Variants in SLC14A2 observed in about 807,000 individuals in gnomAD.
SLC14A2 encodes the protein urea transporter 2.
In SLC14A2, 91 loss-of-function variants were observed where a neutral mutation model predicts 104.6. The ratio of observed to expected loss-of-function variants is 0.87; its 90% CI spans 0.73 to 1.04. The LOEUF is 1.04. SLC14A2 is among the 50% of genes least tolerant of loss of function. SLC14A2 has a pLI of 0.00. For synonymous variants in SLC14A2, 476 were observed against 466.4 expected (o/e 1.02, Z -0.27); for missense variants, 1,189 against 1,156.0 (o/e 1.03, Z -0.41).
intron 1 of SLC14A2, among the ~76,000 whole-genome samples, chr18:45,395,111 G>C (rs1029381845): frequency 2.0e-5 from 3 of 152,124 alleles, no homozygotes; most frequent in African/African-American, 7.2e-5. Flanking sequence ...ATTCACAATA[G>C]CCAAGAGATG....
intron 1 of SLC14A2, among the ~76,000 whole-genome samples, chr18:45,214,330 C>T (rs982360293): frequency 1.3e-5 from 2 of 152,250 alleles, no homozygotes; most frequent in African/African-American, 2.4e-5. Context: ...GGGCAAGTGA[C>T]GTGCATTCTG....
upstream of SLC14A2, among the ~76,000 whole-genome samples, chr18:45,210,394 G>T (rs982301986): frequency 3.9e-5 from 6 of 152,160 alleles, no homozygotes; most frequent in African/African-American, 1.2e-4. Context: ...AGCCTGGACA[G>T]CATAGTGAGA....
chr18:45,403,454 C>A (rs1193167855), intron 1 of SLC14A2, among the ~76,000 whole-genome samples: 1 of 152,148 alleles, frequency 6.6e-6, no homozygotes, highest in Non-Finnish European at 1.5e-5. Context: ...TTAGAGACAA[C>A]AATGGTGCTC....
chr18:45,588,599 T>C (rs1033556186), intron 2 of SLC14A2, among the ~76,000 whole-genome samples: 5 of 152,164 alleles, frequency 3.3e-5, no homozygotes, highest in African/African-American at 9.7e-5. Flanking sequence ...CCAGAGGGTG[T>C]TACTAAAACT....
At position 45,280,634 on chromosome 18, in the gene SLC14A2, C is replaced by T. The variant is rs545568283; in HGVS notation, c.-125+67443C>T. ...CTGGATGGCTGCCTCTGGTTGAGCT[C>T]TGCTCCCTGACTCTCAGCCCTCCTG... On this transcript the variant is annotated intron_variant, in intron 1 of 20. Transcript: ENST00000586448. Among the ~76,000 whole-genome samples, 4 of 152,260 alleles carry T rather than the reference C, an allele frequency of 2.6e-5. No homozygotes were observed. In the South Asian group the frequency reaches 8.3e-4, roughly 32 times the overall value.
intron 2 of SLC14A2, among the ~76,000 whole-genome samples, chr18:45,583,338 C>T (rs961178478): frequency 6.6e-6 from 1 of 152,206 alleles, no homozygotes; most frequent in African/African-American, 2.4e-5. Flanking sequence ...CTCCCTGAAG[C>T]TTTGTCTGCC....
chr18:45,174,025 T>G, the SLC14A2 span, among the ~76,000 whole-genome samples: 4 of 152,150 alleles, frequency 2.6e-5, no homozygotes, highest in African/African-American at 7.2e-5. Flanking sequence ...TAAACGGTAT[T>G]ATGGAGTAAG....
the SLC14A2 span, among the ~76,000 whole-genome samples, chr18:45,186,608 T>G: frequency 6.6e-6 from 1 of 152,206 alleles, no homozygotes; most frequent in Admixed American, 6.6e-5. Flanking sequence ...TCAAGGATTT[T>G]TTTGGACCCA....
At chr18:45,178,608 A>C in the SLC14A2 span, among the ~76,000 whole-genome samples, 3 of 152,208 alleles carry the variant, frequency 2.0e-5, no homozygotes, top group Non-Finnish European at 4.4e-5. Flanking sequence ...TCACTAGTAA[A>C]ATATGCAATG....
At chr18:45,655,123 C>T (rs796912774) in intron 10 of SLC14A2, among the ~76,000 whole-genome samples, 7 of 152,208 alleles carry the variant, frequency 4.6e-5, no homozygotes, top group African/African-American at 1.4e-4. Flanking sequence ...CATCCCAGCT[C>T]CTAACAACCT....
chr18:45,263,400 G>A (rs981023925), intron 1 of SLC14A2, among the ~76,000 whole-genome samples: 1 of 152,150 alleles, frequency 6.6e-6, no homozygotes, highest in African/African-American at 2.4e-5. Context: ...GGTTAAATTG[G>A]TGTTTGCCGA....
At chr18:45,577,934 G>C (rs1398099187) in intron 2 of SLC14A2, among the ~76,000 whole-genome samples, 2 of 152,036 alleles carry the variant, frequency 1.3e-5, no homozygotes, top group African/African-American at 2.4e-5. Context: ...ATGAGAGAAG[G>C]CTCCATGGAA....
chr18:45,649,277 T>C (rs986804568), intron 10 of SLC14A2, among the ~76,000 whole-genome samples: 2 of 152,232 alleles, frequency 1.3e-5, no homozygotes, highest in African/African-American at 4.8e-5. Flanking sequence ...TCCAATGATC[T>C]TTCCCTACCC....
chr18:45,410,642 T>C lies in SLC14A2; in HGVS notation c.-124-72591T>C, dbSNP rs180746219. Among the ~76,000 whole-genome samples the C allele has an allele frequency of 1.1e-4, 17 of 152,312 alleles. No homozygotes were observed. The East Asian group carries it at 2.7e-3, about 24-fold the overall frequency. On this transcript the variant is annotated intron_variant, in intron 1 of 20. Coordinates refer to the SLC14A2 transcript ENST00000586448. ...TATTATATATACAGTTGATCATCAT[T>C]GTTTGTGGATTCCATATTTACAAAT...
intron 1 of SLC14A2, among the ~76,000 whole-genome samples, chr18:45,358,222 T>C (rs1026281785): frequency 6.6e-6 from 1 of 152,194 alleles, no homozygotes; most frequent in Non-Finnish European, 1.5e-5. Flanking sequence ...GAAGCCTGTT[T>C]ACCACGTGCA....
intron 2 of SLC14A2, among the ~76,000 whole-genome samples, chr18:45,581,042 G>C (rs1229363401): frequency 6.6e-6 from 1 of 152,192 alleles, no homozygotes; most frequent in African/African-American, 2.4e-5. Flanking sequence ...AGGGAGACCA[G>C]GGCCATGGGG....
At chr18:45,188,470 T>C in the SLC14A2 span, among the ~76,000 whole-genome samples, 2 of 152,172 alleles carry the variant, frequency 1.3e-5, no homozygotes, top group African/African-American at 4.8e-5. Flanking sequence ...AAGGGTGGTC[T>C]AGGACTGTAA....
intron 1 of SLC14A2, among the ~76,000 whole-genome samples, chr18:45,453,847 GTTTTTTTTTTTTTTTTTTTTT>G (rs56084837): frequency 1.1e-5 from 1 of 91,344 alleles, no homozygotes; most frequent in African/African-American, 4.3e-5. Flanking sequence ...TTTCTTTTCT[GTTTTTTTTTTTTTTTTTTTTT>G]TTTTTTTTTG....
intron 1 of SLC14A2, among the ~76,000 whole-genome samples, chr18:45,369,800 A>T (rs2085703352): frequency 6.6e-6 from 1 of 152,218 alleles, no homozygotes; most frequent in Non-Finnish European, 1.5e-5. Flanking sequence ...AGCAAACATG[A>T]GGACTCTTTG....
Sources: gnomAD v4.1 joint callset for allele counts (sites outside exome capture counted in the v4.1 genomes callset) on GRCh38, gnomAD v4.1.1 for gene constraint, MANE v1.5 for transcripts, NCBI Gene and HGNC (gene_info 2026-07-23, HGNC 2026-07-21) for gene names.